The following CCDC73 variants were observed in gnomAD, a reference collection of about 807,000 sequenced individuals.
CCDC73 encodes coiled-coil domain containing 73.
A neutral mutation model predicts 116.5 loss-of-function variants in CCDC73; 95 were observed. The ratio of observed to expected loss-of-function variants is 0.82; its 90% CI spans 0.69 to 0.97. The LOEUF is 0.97. CCDC73 is among the 50% of genes least tolerant of loss of function. CCDC73 has a pLI of 0.00. For synonymous variants in CCDC73, 398 were observed against 401.3 expected (o/e 0.99, Z 0.10); for missense variants, 1,066 against 1,206.8 (o/e 0.88, Z 1.73).
At chr11:32,740,229 T>C (rs1232024575) in intron 2 of CCDC73, among the ~76,000 whole-genome samples, 1 of 152,094 alleles carries the variant, frequency 6.6e-6, no homozygotes, top group Admixed American at 6.6e-5. Flanking sequence ...GTATTCCTTC[T>C]GCCTCTACTT....
At chr11:32,765,806 C>T (rs1850435431) in intron 1 of CCDC73, among the ~76,000 whole-genome samples, 1 of 152,118 alleles carries the variant, frequency 6.6e-6, no homozygotes, top group Non-Finnish European at 1.5e-5. Context: ...GAAATTGAGG[C>T]AATAATTAAG....
chr11:32,661,417 A>G (rs1855924501), intron 9 of CCDC73, among the ~76,000 whole-genome samples: 1 of 151,460 alleles, frequency 6.6e-6, no homozygotes, highest in African/African-American at 2.4e-5. Flanking sequence ...CTTCATTTAC[A>G]TTAGGTGTAT....
chr11:32,706,345 A>G (rs1849856114), intron 3 of CCDC73, among the ~76,000 whole-genome samples: 1 of 152,194 alleles, frequency 6.6e-6, no homozygotes. Flanking sequence ...ACAAATTTGT[A>G]ATGGGAAATA....
the CCDC73 span, among the ~76,000 whole-genome samples, chr11:32,820,054 G>A: frequency 6.6e-6 from 1 of 152,092 alleles, no homozygotes; most frequent in African/African-American, 2.4e-5. Context: ...GAAAATAATA[G>A]GAGTATTTCT....
At chr11:32,656,302 A>G (rs1281480042) in intron 9 of CCDC73, among the ~76,000 whole-genome samples, 2 of 151,448 alleles carry the variant, frequency 1.3e-5, no homozygotes, top group African/African-American at 4.9e-5. Flanking sequence ...GATGGTCTCG[A>G]TCTCCTGACC....
intron 9 of CCDC73, among the ~76,000 whole-genome samples, chr11:32,662,894 C>T (rs1025510949): frequency 1.3e-5 from 2 of 152,252 alleles, no homozygotes; most frequent in African/African-American, 4.8e-5. Flanking sequence ...CCAGTTTCAG[C>T]TTTCTACATA....
chr11:32,745,817 G>A lies in CCDC73; in HGVS notation c.135+14292C>T, dbSNP rs111789397. Among the ~76,000 whole-genome samples the A allele has an allele frequency of 2.1e-4, 30 of 143,734 alleles. 1 individual carries two copies. The highest frequency in any genetic ancestry group is 4.5e-4 in the Non-Finnish European group (30 of 66,476). 94.3% of individuals were successfully genotyped at this position (143,734 alleles called of 152,430 possible). On this transcript the variant is annotated intron_variant, in intron 2 of 17. Coordinates refer to ENST00000335185, the MANE Select transcript of CCDC73 (RefSeq NM_001008391.4). ...ATCCCTTTATTTTGAGCCTATGTGT[G>A]TCTCTGCACGTGAGGTGGGTCTCTT...
chr11:32,772,787 C>A (rs1850502073), intron 1 of CCDC73, among the ~76,000 whole-genome samples: 1 of 152,038 alleles, frequency 6.6e-6, no homozygotes, highest in African/African-American at 2.4e-5. Flanking sequence ...ACACTATAAT[C>A]AAAAAGACAA....
intron 11 of CCDC73, 45 bp from the exon 12 acceptor site, chr11:32,653,272 G>C (rs777311133): frequency 9.8e-6 from 12 of 1,225,736 alleles, no homozygotes; most frequent in Non-Finnish European, 1.3e-5. Flanking sequence ...TTTAAGATAG[G>C]TATGTTTCTA....
intron 14 of CCDC73, among the ~76,000 whole-genome samples, chr11:32,628,421 G>A (rs1252333643): frequency 6.6e-6 from 1 of 152,222 alleles, no homozygotes; most frequent in Non-Finnish European, 1.5e-5. Flanking sequence ...TATTTAATCT[G>A]TTGCTGGATA....
At chr11:32,693,253 G>C (rs746800674) in intron 6 of CCDC73, among the ~76,000 whole-genome samples, 3 of 152,212 alleles carry the variant, frequency 2.0e-5, no homozygotes, top group Non-Finnish European at 4.4e-5. Context: ...AGGAGGGAGG[G>C]AAGTTGCTAC....
At chr11:32,652,385 A>C (rs1233892870) in intron 12 of CCDC73, among the ~76,000 whole-genome samples, 36 of 152,114 alleles carry the variant, frequency 2.4e-4, no homozygotes, top group Admixed American at 2.4e-3. Flanking sequence ...TTCCACATGA[A>C]CTTATCACAT....
rs370254063 is a variant in CCDC73 at position 32,736,724 on chromosome 11, C to T, written c.136-18577G>A. 3.7e-4 allele frequency among the ~76,000 whole-genome samples: 56 copies of T among 151,788 alleles called. No homozygotes were observed. In the East Asian group the frequency reaches 7.7e-3, roughly 21 times the overall value. On this transcript the variant is annotated intron_variant, in intron 2 of 17. Coordinates refer to ENST00000335185, the MANE Select transcript of CCDC73 (RefSeq NM_001008391.4). ...GACACATGCACACGTATGTTTATTG[C>T]GGCACTATTCACAATAGCAAAGACT... is the stretch of plus-strand genomic sequence containing the variant.
At chr11:32,755,955 A>C (rs1263562454) in intron 2 of CCDC73, among the ~76,000 whole-genome samples, 1 of 27,766 alleles carries the variant, frequency 3.6e-5, no homozygotes, top group Admixed American at 5.8e-4. Flanking sequence ...ATATATATCT[A>C]TATATATATC....
chr11:32,810,976 CA>C, the CCDC73 span, among the ~76,000 whole-genome samples: 4 of 151,156 alleles, frequency 2.6e-5, no homozygotes, highest in African/African-American at 9.7e-5. Context: ...ACTAAGAATG[CA>C]AAAATTAGCC....
intron 2 of CCDC73, among the ~76,000 whole-genome samples, chr11:32,733,030 C>T (rs1476231932): frequency 3.9e-5 from 6 of 152,054 alleles, no homozygotes; most frequent in African/African-American, 7.2e-5. Context: ...ACCCATCTCA[C>T]GTGCAGAGAC....
At chr11:32,618,281 A>T (rs1483209788) in intron 14 of CCDC73, among the ~76,000 whole-genome samples, 1 of 152,082 alleles carries the variant, frequency 6.6e-6, no homozygotes, top group Non-Finnish European at 1.5e-5. Context: ...TCCACTGTTG[A>T]TGGGCACCTA....
chr11:32,810,987 C>G, the CCDC73 span, among the ~76,000 whole-genome samples: 1 of 151,426 alleles, frequency 6.6e-6, no homozygotes, highest in Non-Finnish European at 1.5e-5. Flanking sequence ...AAAAATTAGC[C>G]GGGCATGGTG....
At chr11:32,606,803 ATTCTTT>A (rs1461748664) in intron 17 of CCDC73, among the ~76,000 whole-genome samples, 18 of 132,522 alleles carry the variant, frequency 1.4e-4, no homozygotes, top group African/African-American at 5.1e-4. Context: ...ATAAAAATAA[ATTCTTT>A]TTTTTTTTTT....
Sources: gnomAD v4.1 joint callset for allele counts (sites outside exome capture counted in the v4.1 genomes callset) on GRCh38, gnomAD v4.1.1 for gene constraint, MANE v1.5 for transcripts, NCBI Gene and HGNC (gene_info 2026-07-23, HGNC 2026-07-21) for gene names.